Variants in RP1 observed in about 807,000 individuals in gnomAD.
RP1 encodes oxygen-regulated protein 1.
RP1 carries 16 observed loss-of-function variants against 14.8 expected under a neutral mutation model. The ratio of observed to expected loss-of-function variants is 1.08; its 90% CI spans 0.73 to 1.65. The LOEUF (loss-of-function observed/expected upper bound fraction) is 1.65. RP1 is among the 40% of genes most tolerant of loss of function. The pLI, the probability that RP1 is intolerant of heterozygous loss-of-function variation, is 0.00. For synonymous variants in RP1, 876 were observed against 883.6 expected, an observed-to-expected ratio of 0.99 and a Z score of 0.15; for missense variants, 2,631 against 2,535.0, an observed-to-expected ratio of 1.04 and a Z score of -0.81.
intron 28 of RP1, among the ~76,000 whole-genome samples, chr8:54,866,670 C>T (rs886996893): frequency 6.6e-6 from 1 of 152,104 alleles, no homozygotes; most frequent in Admixed American, 6.6e-5. Context: ...AGTAATTGAC[C>T]ACCCACCATA....
Position 54,642,500 on chromosome 8 carries a change from G to T in RP1, c.788-6485G>T, listed in dbSNP as rs144913288. Among the ~76,000 whole-genome samples, 1,166 of 151,968 alleles carry T rather than the reference G, an allele frequency of 7.7e-3. 20 individuals are homozygous for T. The highest frequency in any genetic ancestry group is 0.027 in the African/African-American group (1,107 of 41,516). The stretch of plus-strand genomic sequence containing the variant: ...AGCAGCATGTGTACATATATTTGGG[G>T]ATATCTTTTTTATTTGTAAAACTGA... On this transcript the variant is annotated intron_variant, in intron 3 of 22. Coordinates refer to the RP1 transcript ENST00000636932.
intron 24 of RP1, among the ~76,000 whole-genome samples, chr8:54,833,848 T>C (rs1260254955): frequency 6.6e-6 from 1 of 152,074 alleles, no homozygotes; most frequent in Non-Finnish European, 1.5e-5. Context: ...ATAAGGAGAC[T>C]GTTATAACAC....
intron 14 of RP1, among the ~76,000 whole-genome samples, chr8:54,703,989 T>A (rs1223743835): frequency 6.6e-6 from 1 of 152,204 alleles, no homozygotes; most frequent in Non-Finnish European, 1.5e-5. Context: ...AAGGGAACAT[T>A]GTGGTTGGTT....
chr8:54,812,638 G>A (rs1449348436), intron 24 of RP1, among the ~76,000 whole-genome samples: 2 of 152,090 alleles, frequency 1.3e-5, no homozygotes, highest in Admixed American at 6.5e-5. Context: ...TGCCTCATAA[G>A]CACATGTTAA....
rs73679499 is a variant in RP1 at position 54,630,425 on chromosome 8, G to A, written c.*72G>A. 2,561 of 1,587,254 alleles carry A rather than the reference G, an allele frequency of 1.6e-3. 38 individuals are homozygous for A. The African/African-American group carries it at 0.028, about 17-fold the overall frequency. On this transcript the variant is annotated 3_prime_UTR_variant, in exon 4 of 4. Transcript: ENST00000220676. The stretch of plus-strand genomic sequence containing the variant: ...GAGATGAAGCACATGTGACGAATAC[G>A]GACTAGATAACCTCTAAGAATTTTC...
At chr8:54,678,526 T>C in exon 9 of RP1, 1 of 1,534,026 alleles carries the variant, frequency 6.5e-7, no homozygotes, top group East Asian at 2.5e-5. Flanking sequence ...ATATGCCTTC[T>C]TCTGTCACAG....
chr8:54,694,744 A>G (rs1333473867), intron 12 of RP1, among the ~76,000 whole-genome samples: 1 of 151,838 alleles, frequency 6.6e-6, no homozygotes, highest in African/African-American at 2.4e-5. Context: ...CGGTCTATCA[A>G]TTTTGTTGAT....
chr8:54,715,703 C>T (rs1429350852), intron 15 of RP1, among the ~76,000 whole-genome samples: 2 of 152,136 alleles, frequency 1.3e-5, no homozygotes, highest in Non-Finnish European at 2.9e-5. Context: ...TTTTCTTTAT[C>T]AAAGAGAGGA....
chr8:54,652,544 A>C (rs879076764), intron 4 of RP1, among the ~76,000 whole-genome samples: 2 of 152,130 alleles, frequency 1.3e-5, no homozygotes, highest in African/African-American at 4.8e-5. Context: ...ACCCATCATT[A>C]AAGTTGGGTA....
At chr8:54,567,739 T>G (rs1308552495) in intron 1 of RP1, among the ~76,000 whole-genome samples, 1 of 152,298 alleles carries the variant, frequency 6.6e-6, no homozygotes, top group South Asian at 2.1e-4. Flanking sequence ...TCTGTAAAAT[T>G]TATGGAAGAA....
downstream of RP1, among the ~76,000 whole-genome samples, chr8:54,771,476 G>A (rs536195453): frequency 2.6e-5 from 4 of 152,198 alleles, no homozygotes; most frequent in South Asian, 6.2e-4. Context: ...AAGTTGCAAT[G>A]TACAGGGAAG....
chr8:54,868,381 T>G (rs1007160242), intron 28 of RP1, among the ~76,000 whole-genome samples: 6 of 152,198 alleles, frequency 3.9e-5, no homozygotes, highest in Admixed American at 2.6e-4. Context: ...ATATAAACTG[T>G]TTTCCTTGCC....
chr8:54,859,585 G>A (rs995300254), intron 27 of RP1, among the ~76,000 whole-genome samples: 2 of 151,798 alleles, frequency 1.3e-5, no homozygotes, highest in Non-Finnish European at 2.9e-5. Context: ...TAGTGTCACT[G>A]TAGGGTGGTG....
intron 19 of RP1, among the ~76,000 whole-genome samples, chr8:54,740,788 C>G (rs1429470328): frequency 6.6e-6 from 1 of 151,284 alleles, no homozygotes; most frequent in South Asian, 2.1e-4. Flanking sequence ...TCATGCCTGT[C>G]ATCTCAGCAC....
At chr8:54,576,119 C>G (rs918709702) in intron 1 of RP1, among the ~76,000 whole-genome samples, 1 of 151,092 alleles carries the variant, frequency 6.6e-6, no homozygotes, top group African/African-American at 2.4e-5. Context: ...CGGCTCACTG[C>G]AAGCTCCGCC....
At chr8:54,828,889 T>G (rs1351213755) in intron 24 of RP1, among the ~76,000 whole-genome samples, 2 of 57,746 alleles carry the variant, frequency 3.5e-5, no homozygotes, top group East Asian at 9.4e-4. Flanking sequence ...CTTCTTTTTT[T>G]TTTTTTTTTT....
chr8:54,624,430 C>T (rs559534389), intron 3 of RP1, among the ~76,000 whole-genome samples: 339 of 105,804 alleles, frequency 3.2e-3, no homozygotes, highest in Admixed American at 9.2e-3. Context: ...GGTGACAGAG[C>T]GAGACTCTGT....
intron 28 of RP1, among the ~76,000 whole-genome samples, chr8:54,869,296 CCAGA>C (rs796515863): frequency 6.6e-6 from 1 of 152,048 alleles, no homozygotes; most frequent in South Asian, 2.1e-4. Context: ...AAGATACATT[CCAGA>C]TTTCAAGAGT....
chr8:54,771,124 G>T (rs1004599279), downstream of RP1, among the ~76,000 whole-genome samples: 2 of 151,990 alleles, frequency 1.3e-5, no homozygotes, highest in Non-Finnish European at 2.9e-5. Context: ...TTTATATTAG[G>T]AACTGTGTTT....
Sources: gnomAD v4.1 joint callset for allele counts (sites outside exome capture counted in the v4.1 genomes callset) on GRCh38, gnomAD v4.1.1 for gene constraint, MANE v1.5 for transcripts, NCBI Gene and HGNC (gene_info 2026-07-23, HGNC 2026-07-21) for gene names.